PLCB1: variants seen among roughly 807,000 people sequenced by gnomAD.
PLCB1 encodes the protein phospholipase C beta 1, also known as 1-phosphatidylinositol 4,5-bisphosphate phosphodiesterase beta-1.
Under a neutral mutation model 161.8 loss-of-function variants are expected in PLCB1, and 46 were observed. That is an observed-to-expected ratio of 0.28 (90% CI 0.22 to 0.36). The LOEUF is 0.36. PLCB1 is among the 10% of genes least tolerant of loss of function. PLCB1 has a pLI of 1.00. For synonymous variants in PLCB1, 517 were observed against 503.7 expected, an observed-to-expected ratio of 1.03 and a Z score of -0.35; for missense variants, 1,016 against 1,472.5, an observed-to-expected ratio of 0.69 and a Z score of 5.07.
intron 4 of PLCB1, among the ~76,000 whole-genome samples, chr20:8,643,085 T>TG (rs1184516516): frequency 1.3e-5 from 2 of 152,344 alleles, no homozygotes; most frequent in Non-Finnish European, 2.9e-5. Flanking sequence ...GCTTCTCTCT[T>TG]GCAGCTATTC....
At chr20:8,495,656 CG>C (rs749999647) in intron 3 of PLCB1, among the ~76,000 whole-genome samples, 1 of 84,430 alleles carries the variant, frequency 1.2e-5, no homozygotes, top group Non-Finnish European at 2.7e-5. Context: ...CTTGGCCTTC[CG>C]AAGTGCTGGG....
intron 2 of PLCB1, among the ~76,000 whole-genome samples, chr20:8,193,574 G>T (rs1183564545): frequency 6.6e-6 from 1 of 152,002 alleles, no homozygotes; most frequent in Non-Finnish European, 1.5e-5. Flanking sequence ...TTTGTAGTGG[G>T]TGGAAACTGG....
intron 31 of PLCB1, among the ~76,000 whole-genome samples, chr20:8,853,938 T>A (rs1248098643): frequency 6.6e-6 from 1 of 152,142 alleles, no homozygotes; most frequent in African/African-American, 2.4e-5. Flanking sequence ...GTATTTCGAG[T>A]GCTGTACTTT....
At chr20:8,154,692 C>A (rs1029824372) in intron 2 of PLCB1, among the ~76,000 whole-genome samples, 1 of 152,178 alleles carries the variant, frequency 6.6e-6, no homozygotes, top group Non-Finnish European at 1.5e-5. Flanking sequence ...TGCTAGTAAA[C>A]TGTGTATATT....
At chr20:8,862,562 A>G (rs1987292634) in intron 31 of PLCB1, among the ~76,000 whole-genome samples, 3 of 152,356 alleles carry the variant, frequency 2.0e-5, no homozygotes, top group South Asian at 4.1e-4. Context: ...CTGCTTGAAT[A>G]TAATCACTTC....
intron 3 of PLCB1, among the ~76,000 whole-genome samples, chr20:8,514,445 C>CAAA (rs752609524): frequency 2.5e-5 from 2 of 78,528 alleles, no homozygotes; most frequent in Admixed American, 1.5e-4. Context: ...ACTCCATCTC[C>CAAA]AAAAAAAAAA....
Position 8,716,343 on chromosome 20 carries a change from T to C in PLCB1, c.1330T>C (p.Tyr444His). 1 of 1,611,252 alleles carries C rather than the reference T, an allele frequency of 6.2e-7. No individual in the cohort carries two copies. The highest frequency in any genetic ancestry group is 8.5e-7 in the Non-Finnish European group (1 of 1,177,466). The change falls in exon 13 of 32, where the codon TAT becomes CAT. Residue 444 changes from tyrosine (Y) to histidine (H), a missense_variant. Tyr to His is a moderately conservative substitution (Grantham distance 83, BLOSUM62 2). Coordinates refer to ENST00000338037, the MANE Select transcript of PLCB1 (RefSeq NM_015192.4). ...DALLMEPLEKYPLESGVPLPS... is the reference protein window; with the variant it reads ...DALLMEPLEKHPLESGVPLPS... Reference sequence around the variant, plus strand: ...CCTTCTCATGGAGCCCCTGGAAAAATATCCAGTAAGCAGTTCTGATGTTTG... The same window carrying C: ...CCTTCTCATGGAGCCCCTGGAAAAACATCCAGTAAGCAGTTCTGATGTTTG...
chr20:8,739,432 G>GA (rs1328208030), intron 21 of PLCB1, 72 bp downstream of exon 21: 1 of 914,654 alleles, frequency 1.1e-6, no homozygotes, highest in East Asian at 2.4e-5. Context: ...AATATTACTA[G>GA]AAAATGACTT....
chr20:8,688,499 T>A (rs1568561116), intron 10 of PLCB1, among the ~76,000 whole-genome samples: 1 of 152,220 alleles, frequency 6.6e-6, no homozygotes, highest in South Asian at 2.1e-4. Context: ...AGGTCCTTAA[T>A]CCATCTTGAG....
rs117531979 is a variant in PLCB1 at position 8,651,724 on chromosome 20, G to C, written c.594+2275G>C. The stretch of plus-strand genomic sequence containing the variant: ...AGCCAATAAGCATGCCAACAAATGC[G>C]TCTGTAAACTGGGGGAAGTGCTATA... On this transcript the variant is annotated intron_variant, in intron 7 of 31. Coordinates refer to ENST00000338037, the MANE Select transcript of PLCB1 (RefSeq NM_015192.4). 4.4e-3 allele frequency: 2,030 copies of C among 461,954 alleles called. 5 individuals are homozygous for C. Among genetic ancestry groups the C allele is most frequent in the Non-Finnish European group, 6.2e-3 (1,612 of 258,616 alleles). 28.6% of individuals were successfully genotyped at this position (461,954 alleles called of 1,614,324 possible). A position where few individuals can be genotyped will look rare whatever the true frequency, so the allele number is the denominator to read the frequency against.
intron 2 of PLCB1, among the ~76,000 whole-genome samples, chr20:8,262,700 A>T (rs1375160532): frequency 1.6e-4 from 25 of 152,174 alleles, no homozygotes; most frequent in Admixed American, 1.6e-3. Context: ...GGAGTGGCTT[A>T]AACAACAGAC....
At chr20:8,136,422 C>A (rs1483331856) in intron 1 of PLCB1, among the ~76,000 whole-genome samples, 1 of 152,026 alleles carries the variant, frequency 6.6e-6, no homozygotes, top group Non-Finnish European at 1.5e-5. Flanking sequence ...ACCAGGAGAT[C>A]GAGACCATCC....
rs186297033 is a variant in PLCB1 at position 8,802,325 on chromosome 20, G to T, written c.3423+12064G>T. On this transcript the variant is annotated intron_variant, in intron 31 of 31. Transcript: ENST00000338037. ...TGCTAAAGTTCCCAGCCACACCCAT[G>T]ATCATTTCCTCATCCTTTCTGCCTT... The T allele has an allele frequency of 3.4e-3, 1,913 of 557,176 alleles. 6 individuals carry two copies. The highest frequency in any genetic ancestry group is 4.7e-3 in the Non-Finnish European group (1,506 of 317,520). The allele number at this position is 557,176 out of a possible 1,614,324, so 34.5% of individuals were successfully genotyped here.
intron 3 of PLCB1, among the ~76,000 whole-genome samples, chr20:8,624,599 AAC>A (rs1279175573): frequency 6.6e-6 from 1 of 152,194 alleles, no homozygotes; most frequent in African/African-American, 2.4e-5. Context: ...ATAATGCAGT[AAC>A]ACATGCTGTA....
chr20:8,161,837 AAC>A (rs1204962056), intron 2 of PLCB1, among the ~76,000 whole-genome samples: 4 of 151,456 alleles, frequency 2.6e-5, no homozygotes, highest in African/African-American at 9.7e-5. Context: ...AGCCAAGGTG[AAC>A]ACAGATAGAA....
Position 8,881,811 on chromosome 20 carries a change from G to A in PLCB1, c.3613G>A (p.Gly1205Arg), listed in dbSNP as rs1988003357. ...HKTPSSEELGGDIPGKEFDTP... is the reference protein window; with the variant it reads ...HKTPSSEELGRDIPGKEFDTP... ...GACTCCCTCCAGTGAGGAGCTGGGA[G>A]GAGACATCCCAGGAAAAGAATTTGA... The change falls in exon 32 of 32, where the codon GGA becomes AGA. Residue 1205 changes from glycine to arginine, a missense_variant. Gly to Arg is a moderately radical substitution (Grantham distance 125, BLOSUM62 -2). Around this residue, in one of 10 missense-constraint regions of PLCB1, gnomAD observed 398 missense variants for 445.4 expected, o/e 0.89. Transcript: ENST00000338037. 1 of 1,613,954 alleles carries A rather than the reference G, an allele frequency of 6.2e-7. No homozygotes were observed. Among genetic ancestry groups the A allele is most frequent in the African/African-American group, 1.3e-5 (1 of 75,044 alleles).
chr20:8,324,202 GTGTGTGTGTGTGTGT>G (rs1985046491), intron 2 of PLCB1, among the ~76,000 whole-genome samples: 1 of 2,930 alleles, frequency 3.4e-4, no homozygotes, highest in African/African-American at 5.5e-4. Flanking sequence ...TGGTAGGGGT[GTGTGTGTGTGTGTGT>G]GTGTGTGTGT....
At chr20:8,697,909 A>C in intron 11 of PLCB1, 126 bp downstream of exon 11, 2 of 774,626 alleles carry the variant, frequency 2.6e-6, no homozygotes, top group Non-Finnish European at 3.9e-6. Context: ...CATCTTTGCA[A>C]TTTCAGAGGC....
At chr20:8,824,366 A>G (rs140727095) in intron 31 of PLCB1, among the ~76,000 whole-genome samples, 172 of 152,052 alleles carry the variant, frequency 1.1e-3, no homozygotes, top group African/African-American at 3.8e-3. Context: ...AAATCCTGAG[A>G]TATTAAAGGA....
Sources: allele counts gnomAD v4.1 joint callset (sites outside exome capture counted in the v4.1 genomes callset), GRCh38; gene constraint gnomAD v4.1.1; regional missense constraint gnomAD v4.1.1; transcripts MANE v1.5; gene names NCBI Gene and HGNC (gene_info 2026-07-23, HGNC 2026-07-21).